ZNRF3: variants seen among roughly 807,000 people sequenced by gnomAD.
The protein encoded by ZNRF3 is E3 ubiquitin-protein ligase ZNRF3.
A neutral mutation model predicts 72.5 loss-of-function variants in ZNRF3; 23 were observed. The observed-to-expected ratio is 0.32, with a 90% CI of 0.23 to 0.45. ZNRF3 has a LOEUF of 0.45. ZNRF3 is among the 20% of genes least tolerant of loss of function. The pLI, the probability that ZNRF3 is intolerant of heterozygous loss-of-function variation, is 1.00. For synonymous variants in ZNRF3, 610 were observed against 545.3 expected (o/e 1.12, Z -1.65); for missense variants, 1,169 against 1,272.1 (o/e 0.92, Z 1.23).
chr22:29,053,866 G>C lies in ZNRF3; in HGVS notation c.*244G>C. On this transcript the variant is annotated 3_prime_UTR_variant, in exon 9 of 9. Transcript: ENST00000544604. ...GCCTCTTTTGATAACATGTTGTTCT[G>C]TTTTGTAAAGTGTGTGTGCTTGGGG... 1 of 398,656 alleles carries C rather than the reference G, an allele frequency of 2.5e-6. No individual in the cohort carries two copies. The highest frequency in any genetic ancestry group is 4.2e-5 in the East Asian group (1 of 23,746). 24.7% of individuals were successfully genotyped at this position (398,656 alleles called of 1,614,324 possible). A position where few individuals can be genotyped will look rare whatever the true frequency, so the allele number is the denominator to read the frequency against.
intron 2 of ZNRF3, among the ~76,000 whole-genome samples, chr22:29,015,003 G>A (rs1360440598): frequency 6.6e-6 from 1 of 152,222 alleles, no homozygotes; most frequent in Non-Finnish European, 1.5e-5. Context: ...CCTGGGGTGT[G>A]CTCTGATGCT....
intron 1 of ZNRF3, among the ~76,000 whole-genome samples, chr22:28,984,271 C>T (rs1030174157): frequency 1.3e-5 from 2 of 152,088 alleles, no homozygotes; most frequent in Non-Finnish European, 2.9e-5. Context: ...TTTTCATCAC[C>T]CAGAAGGAAG....
chr22:29,034,820 G>A (rs2036836459), intron 2 of ZNRF3, among the ~76,000 whole-genome samples: 1 of 152,202 alleles, frequency 6.6e-6, no homozygotes, highest in Non-Finnish European at 1.5e-5. Context: ...GGCAGGATGT[G>A]TGCTTGGTGA....
At chr22:29,032,122 C>T (rs1414597890) in intron 2 of ZNRF3, among the ~76,000 whole-genome samples, 1 of 152,210 alleles carries the variant, frequency 6.6e-6, no homozygotes, top group Non-Finnish European at 1.5e-5. Flanking sequence ...TATTTCTCCG[C>T]AGGTTGCAGG....
At chr22:28,967,945 A>T (rs2035504259) in intron 1 of ZNRF3, among the ~76,000 whole-genome samples, 1 of 151,100 alleles carries the variant, frequency 6.6e-6, no homozygotes, top group Admixed American at 6.6e-5. Flanking sequence ...AAAAAAAAAG[A>T]AAAAAACACA....
intron 2 of ZNRF3, among the ~76,000 whole-genome samples, chr22:29,015,480 G>A (rs2036414925): frequency 1.3e-5 from 2 of 151,814 alleles, no homozygotes; most frequent in African/African-American, 4.8e-5. Context: ...GACCAGCCTG[G>A]CCAACATGGC....
chr22:28,909,877 G>GCCA (rs1016231329), intron 1 of ZNRF3, among the ~76,000 whole-genome samples: 2 of 151,380 alleles, frequency 1.3e-5, no homozygotes, highest in Non-Finnish European at 2.9e-5. Context: ...ACAGGTGTGA[G>GCCA]CCACCATGGC....
chr22:28,921,575 C>T (rs2034514231), intron 1 of ZNRF3, among the ~76,000 whole-genome samples: 1 of 152,174 alleles, frequency 6.6e-6, no homozygotes, highest in Non-Finnish European at 1.5e-5. Context: ...TGCCTCCGAA[C>T]CTGAAACAAT....
At chr22:28,969,057 C>T (rs184724835) in intron 1 of ZNRF3, among the ~76,000 whole-genome samples, 1 of 152,324 alleles carries the variant, frequency 6.6e-6, no homozygotes, top group Admixed American at 6.5e-5. Context: ...GTACATGCTT[C>T]TTCGTAACAT....
chr22:28,966,026 A>G (rs2035452798), intron 1 of ZNRF3, among the ~76,000 whole-genome samples: 2 of 152,196 alleles, frequency 1.3e-5, no homozygotes, highest in African/African-American at 2.4e-5. Context: ...ACTTTACTGC[A>G]TAATAAATCC....
At chr22:28,929,849 A>C (rs756904955) in intron 1 of ZNRF3, among the ~76,000 whole-genome samples, 34 of 152,248 alleles carry the variant, frequency 2.2e-4, no homozygotes, top group Non-Finnish European at 4.6e-4. Context: ...TTTTAATTAA[A>C]GCTTATAAAA....
intron 2 of ZNRF3, among the ~76,000 whole-genome samples, chr22:29,012,389 A>G (rs561977502): frequency 4.6e-5 from 7 of 152,346 alleles, no homozygotes; most frequent in African/African-American, 1.4e-4. Context: ...ACATACGTGG[A>G]GAACCTGCCC....
intron 1 of ZNRF3, among the ~76,000 whole-genome samples, chr22:28,895,572 C>G (rs1280474878): frequency 6.6e-6 from 1 of 152,080 alleles, no homozygotes; most frequent in Non-Finnish European, 1.5e-5. Context: ...GAGGCTGAGG[C>G]AGGAGAATGG....
chr22:28,990,605 G>A (rs1053886653), intron 2 of ZNRF3, among the ~76,000 whole-genome samples: 3 of 152,094 alleles, frequency 2.0e-5, no homozygotes, highest in African/African-American at 7.2e-5. Flanking sequence ...AATTGCTGGA[G>A]GTGGAGGTTG....
chr22:28,955,834 A>G (rs1486713015), intron 1 of ZNRF3, among the ~76,000 whole-genome samples: 2 of 151,814 alleles, frequency 1.3e-5, no homozygotes, highest in Non-Finnish European at 2.9e-5. Context: ...TGGGATGATC[A>G]CTTGAACCCA....
chr22:28,914,221 T>G (rs1258263773), intron 1 of ZNRF3, among the ~76,000 whole-genome samples: 2 of 152,186 alleles, frequency 1.3e-5, no homozygotes, highest in Non-Finnish European at 2.9e-5. Context: ...TCTGTGACTC[T>G]TAGGCCTTGA....
At chr22:28,917,059 T>C (rs1003209835) in intron 1 of ZNRF3, among the ~76,000 whole-genome samples, 2 of 152,160 alleles carry the variant, frequency 1.3e-5, no homozygotes, top group Non-Finnish European at 2.9e-5. Context: ...CAGTAAATTA[T>C]AGGATGCCCT....
intron 1 of ZNRF3, among the ~76,000 whole-genome samples, chr22:28,967,143 G>T (rs2035483546): frequency 6.6e-6 from 1 of 152,112 alleles, no homozygotes; most frequent in African/African-American, 2.4e-5. Context: ...TGGCCTCCCA[G>T]AGTGCTGGGA....
chr22:28,974,196 C>T (rs982022725), intron 1 of ZNRF3, among the ~76,000 whole-genome samples: 2 of 152,030 alleles, frequency 1.3e-5, no homozygotes, highest in Non-Finnish European at 2.9e-5. Flanking sequence ...CTCCTGACCT[C>T]GTGATCCGCC....
Sources: allele counts gnomAD v4.1 joint callset (sites outside exome capture counted in the v4.1 genomes callset), GRCh38; gene constraint gnomAD v4.1.1; transcripts MANE v1.5; gene names NCBI Gene and HGNC (gene_info 2026-07-23, HGNC 2026-07-21).